The following IFT122 variants were observed in gnomAD, a reference collection of about 807,000 sequenced individuals.
IFT122 encodes the protein intraflagellar transport 122, also known as intraflagellar transport protein 122 homolog.
IFT122 carries 118 observed loss-of-function variants against 161.6 expected under a neutral mutation model. That is an observed-to-expected ratio of 0.73 (90% CI 0.63 to 0.85). IFT122 has a LOEUF of 0.85. Among genes scored for constraint, IFT122 ranks in the 40% least tolerant of loss-of-function variants. The pLI is 0.00. For synonymous variants in IFT122, 550 were observed against 602.4 expected, an observed-to-expected ratio of 0.91 and a Z score of 1.27; for missense variants, 1,381 against 1,579.6, an observed-to-expected ratio of 0.87 and a Z score of 2.13.
At chr3:129,468,510 A>G (rs1336049175) in intron 8 of IFT122, among the ~76,000 whole-genome samples, 1 of 152,082 alleles carries the variant, frequency 6.6e-6, no homozygotes, top group Non-Finnish European at 1.5e-5. Flanking sequence ...ACGCCGAACT[A>G]ATTTTGCATT....
chr3:129,509,009 A>G (rs2108601406), intron 23 of IFT122, among the ~76,000 whole-genome samples: 1 of 152,306 alleles, frequency 6.6e-6, no homozygotes, highest in South Asian at 2.1e-4. Context: ...GCAGCAGACC[A>G]CCAAACAGTG....
At chr3:129,478,546 C>T (rs916534912) in intron 12 of IFT122, among the ~76,000 whole-genome samples, 3 of 152,166 alleles carry the variant, frequency 2.0e-5, no homozygotes, top group Admixed American at 1.3e-4. Context: ...CTTTGACCTC[C>T]CAAGCTCAAG....
chr3:129,516,952 GAGACTGCCCCTACACACACACACAC>G (rs1560025561), intron 26 of IFT122, among the ~76,000 whole-genome samples: 4 of 95,922 alleles, frequency 4.2e-5, no homozygotes, highest in African/African-American at 4.2e-5. Context: ...CACACACACA[GAGACTGCCCCTACACACACACACAC>G]AGACTGCCCC....
chr3:129,460,872 T>G, intron 4 of IFT122: 1 of 1,613,966 alleles, frequency 6.2e-7, no homozygotes, highest in Non-Finnish European at 8.5e-7. Flanking sequence ...CTGTGATGTC[T>G]TCATTGCACC....
At chr3:129,470,271 T>A (rs2077225654) in intron 9 of IFT122, among the ~76,000 whole-genome samples, 1 of 151,954 alleles carries the variant, frequency 6.6e-6, no homozygotes, top group Non-Finnish European at 1.5e-5. Flanking sequence ...TATTTATTTT[T>A]AATTTTTTTC....
At chr3:129,451,412 C>G (rs2107922349) in intron 2 of IFT122, among the ~76,000 whole-genome samples, 1 of 152,234 alleles carries the variant, frequency 6.6e-6, no homozygotes, top group Non-Finnish European at 1.5e-5. Context: ...AGTGAGCTAC[C>G]ATGCCTGGCC....
intron 8 of IFT122, among the ~76,000 whole-genome samples, chr3:129,468,790 G>A (rs1175897598): frequency 6.6e-6 from 1 of 152,188 alleles, no homozygotes; most frequent in African/African-American, 2.4e-5. Context: ...TGTTTTCAGA[G>A]CCCATTGCTC....
chr3:129,496,701 T>G (rs969432713), intron 18 of IFT122, among the ~76,000 whole-genome samples: 4 of 152,172 alleles, frequency 2.6e-5, no homozygotes, highest in African/African-American at 7.2e-5. Context: ...AGCCTGTCTT[T>G]TCACCTTAGT....
At chr3:129,447,169 T>C (rs1336459922) in intron 1 of IFT122, among the ~76,000 whole-genome samples, 2 of 152,178 alleles carry the variant, frequency 1.3e-5, no homozygotes, top group Non-Finnish European at 2.9e-5. Context: ...AGATTTATTC[T>C]GAGCCTAATA....
chr3:129,467,195 C>T (rs2076899380), intron 8 of IFT122, 129 bp downstream of exon 8: 1 of 814,030 alleles, frequency 1.2e-6, no homozygotes, highest in South Asian at 1.6e-5. Flanking sequence ...GGTGAAAGCG[C>T]CTTCAAAAAA....
chr3:129,481,243 G>A (rs2078603263), intron 13 of IFT122: 1 of 409,444 alleles, frequency 2.4e-6, no homozygotes, highest in Non-Finnish European at 4.6e-6. Context: ...TTTGGGTAAT[G>A]TCATCAACAA....
chr3:129,464,748 C>G lies in IFT122; in HGVS notation c.530C>G (p.Ser177Trp). 5.0e-6 allele frequency: 8 copies of G among 1,614,096 alleles called. No individual in the cohort carries two copies. Among genetic ancestry groups the G allele is most frequent in the Non-Finnish European group, 6.8e-6 (8 of 1,180,014 alleles). The change falls in exon 7 of 30, where the codon TCG (serine) becomes TGG (tryptophan). Residue 177 changes from serine to tryptophan, a missense_variant. Ser to Trp is a radical substitution (Grantham distance 177). Coordinates refer to ENST00000348417, the MANE Select transcript of IFT122 (RefSeq NM_052989.3). ...VKIERPGGSL[S>W]PIWSICWNPS... The stretch of plus-strand genomic sequence containing the variant: ...ATCGAGCGGCCGGGGGGCTCCCTCT[C>G]GCCAATATGGTCCATCTGCTGGAAC...
intron 4 of IFT122, chr3:129,460,908 CA>C: frequency 1.9e-6 from 3 of 1,614,106 alleles, no homozygotes; most frequent in Non-Finnish European, 2.5e-6. Flanking sequence ...TGGGCCTCCA[CA>C]AAACAGTAAG....
chr3:129,461,825 C>T (rs943168751), intron 5 of IFT122, among the ~76,000 whole-genome samples: 24 of 152,178 alleles, frequency 1.6e-4, no homozygotes, highest in Non-Finnish European at 2.4e-4. Context: ...GCCACGGTCC[C>T]GTGCCAGCAT....
At chr3:129,499,279 C>T (rs527627787) in intron 18 of IFT122, among the ~76,000 whole-genome samples, 2 of 152,236 alleles carry the variant, frequency 1.3e-5, no homozygotes, top group Admixed American at 1.3e-4. Flanking sequence ...GGGGCAAAGA[C>T]AATGTGATGA....
At position 129,481,461 on chromosome 3, in the gene IFT122, A is replaced by G. The variant is rs184862877; in HGVS notation, c.1489-69A>G. ...TTCTTGCAGAGCACATGGGATTCCA[A>G]CGGCCTGGCAGTGGGCCAGGATCTT... is the stretch of plus-strand genomic sequence containing the variant. On this transcript the variant is annotated intron_variant, in intron 13 of 29. Coordinates refer to ENST00000348417, the MANE Select transcript of IFT122 (RefSeq NM_052989.3). The G allele has an allele frequency of 6.4e-4, 867 of 1,353,306 alleles. 5 individuals are homozygous for G. The African/African-American group carries it at 0.011, about 17-fold the overall frequency. The allele number at this position is 1,353,306 out of a possible 1,614,324, so 83.8% of individuals were successfully genotyped here.
intron 1 of IFT122, among the ~76,000 whole-genome samples, chr3:129,448,625 C>T (rs2107877339): frequency 6.6e-6 from 1 of 152,208 alleles, no homozygotes; most frequent in African/African-American, 2.4e-5. Flanking sequence ...CCCCAGGTAG[C>T]CTTTTTCTAT....
At chr3:129,480,934 T>C (rs2078563692) in intron 13 of IFT122, among the ~76,000 whole-genome samples, 1 of 152,118 alleles carries the variant, frequency 6.6e-6, no homozygotes, top group African/African-American at 2.4e-5. Context: ...GTACCTGTTT[T>C]CCCAGCTACT....
chr3:129,513,933 G>C, intron 24 of IFT122: 1 of 323,056 alleles, frequency 3.1e-6, no homozygotes, highest in Non-Finnish European at 6.1e-6. Context: ...GGAAGGGTGT[G>C]CAGACAGAGT....
Sources: gnomAD v4.1 joint callset for allele counts (sites outside exome capture counted in the v4.1 genomes callset) on GRCh38, gnomAD v4.1.1 for gene constraint, MANE v1.5 for transcripts, NCBI Gene and HGNC (gene_info 2026-07-23, HGNC 2026-07-21) for gene names.